Variants in MYH16 observed in about 807,000 individuals in gnomAD.
MYH16 encodes the protein putative uncharacterized protein MYH16.
At chr7:99,240,704 G>T (rs937933571) in intron 1 of MYH16, among the ~76,000 whole-genome samples, 3 of 152,068 alleles carry the variant, frequency 2.0e-5, no homozygotes, top group Non-Finnish European at 2.9e-5. Context: ...TTAGCCAGGT[G>T]TGGTGCATCC....
At chr7:99,273,252 G>C in intron 19 of MYH16, 90 bp from the exon 2 acceptor site, 1 of 444,250 alleles carries the variant, frequency 2.3e-6, no homozygotes, top group East Asian at 7.0e-5. Context: ...AGATCTGCTG[G>C]CTTCTATTCC....
At chr7:99,245,232 G>A (rs556478160) in intron 2 of MYH16, among the ~76,000 whole-genome samples, 30 of 152,156 alleles carry the variant, frequency 2.0e-4, no homozygotes, top group Admixed American at 5.2e-4. Flanking sequence ...CTTTTTTCCT[G>A]TGGATCAGTT....
chr7:99,296,635 G>A, intron 33 of MYH16, 66 bp from the exon 15 acceptor site: 1 of 442,646 alleles, frequency 2.3e-6, no homozygotes, highest in Non-Finnish European at 4.6e-6. Context: ...GGTTGGTGGG[G>A]GGGTGGGAGT....
intron 29 of MYH16, among the ~76,000 whole-genome samples, chr7:99,288,688 AAAAAT>A (rs904149646): frequency 5.3e-5 from 8 of 152,084 alleles, no homozygotes; most frequent in Non-Finnish European, 7.4e-5. Flanking sequence ...ACTCTGTCTC[AAAAAT>A]AAAATAAAAT....
chr7:99,293,603 C>T (rs1376737143), intron 32 of MYH16, among the ~76,000 whole-genome samples: 2 of 152,148 alleles, frequency 1.3e-5, no homozygotes, highest in East Asian at 3.9e-4. Context: ...AGAGTCTCTC[C>T]TGAGTCTGTA....
chr7:99,290,668 T>A (rs11765000), intron 30 of MYH16, among the ~76,000 whole-genome samples: 6 of 151,456 alleles, frequency 4.0e-5, no homozygotes, highest in African/African-American at 1.2e-4. Context: ...CTGGGCATGG[T>A]GGTACACACT....
chr7:99,244,860 G>A (rs1286858837), intron 2 of MYH16, among the ~76,000 whole-genome samples: 2 of 152,200 alleles, frequency 1.3e-5, no homozygotes, highest in East Asian at 1.9e-4. Flanking sequence ...TGCTCTGCCC[G>A]CAAGCCCTTG....
At chr7:99,292,869 A>G (rs1792408929) in intron 32 of MYH16, among the ~76,000 whole-genome samples, 1 of 151,730 alleles carries the variant, frequency 6.6e-6, no homozygotes, top group Non-Finnish European at 1.5e-5. Flanking sequence ...CTAAAGTGAG[A>G]GGATTGCTTG....
intron 20 of MYH16, among the ~76,000 whole-genome samples, chr7:99,276,113 G>T (rs1467562301): frequency 1.3e-5 from 2 of 152,196 alleles, no homozygotes; most frequent in African/African-American, 2.4e-5. Context: ...AGCCAGATAG[G>T]CTGGGTCAAT....
chr7:99,275,691 C>G (rs1327052980), intron 20 of MYH16, among the ~76,000 whole-genome samples: 1 of 152,188 alleles, frequency 6.6e-6, no homozygotes, highest in Non-Finnish European at 1.5e-5. Flanking sequence ...AACTCCCCTG[C>G]TTGTTACTAA....
chr7:99,299,401 GA>G (rs1348232614), intron 36 of MYH16, 64 bp from the exon 18 acceptor site: 1 of 152,258 alleles, frequency 6.6e-6, no homozygotes, highest in Non-Finnish European at 1.5e-5. Context: ...TCTTCTCTAG[GA>G]AGGCTTAGCA....
intron 30 of MYH16, 66 bp from the exon 12 acceptor site, chr7:99,291,257 G>T: frequency 2.3e-6 from 1 of 440,562 alleles, no homozygotes; most frequent in South Asian, 1.6e-5. Flanking sequence ...ATGCCCTGGG[G>T]AACTTTGGAT....
chr7:99,240,527 G>A (rs28493386), intron 1 of MYH16, among the ~76,000 whole-genome samples: 8,658 of 152,230 alleles, frequency 0.057, 573 homozygotes, highest in African/African-American at 0.16. Flanking sequence ...TAGCACCTGC[G>A]AGGTCCATTC....
At chr7:99,297,615 A>T (rs112210670) in intron 34 of MYH16, 45 bp from the exon 16 acceptor site, 85 of 443,826 alleles carry the variant, frequency 1.9e-4, no homozygotes, top group African/African-American at 1.5e-3. Context: ...ACCTGCCATG[A>T]CCCTGGAATG....
At chr7:99,292,323 C>A in exon 32 of MYH16, 1 of 456,542 alleles carries the variant, frequency 2.2e-6, no homozygotes, top group South Asian at 1.5e-5. Flanking sequence ...CTCGCAGCAC[C>A]GCCGTGGTGA....
At chr7:99,276,902 AGAGAT>A (rs1018782283) in intron 20 of MYH16, among the ~76,000 whole-genome samples, 34 of 151,864 alleles carry the variant, frequency 2.2e-4, no homozygotes, top group African/African-American at 7.9e-4. Flanking sequence ...AGAGAGAGAC[AGAGAT>A]AAGAGAGACA....
At chr7:99,287,626 A>G (rs1381794740) in intron 28 of MYH16, among the ~76,000 whole-genome samples, 2 of 151,604 alleles carry the variant, frequency 1.3e-5, no homozygotes, top group African/African-American at 4.8e-5. Context: ...CTACAAAGAC[A>G]CTATTTCCAA....
Position 99,302,311 on chromosome 7 carries a change from A to ATAT in MYH16, n.5137+507_5137+508insTAT, listed in dbSNP as rs1554340310. ...AGAGTGACCATCTCAAAAAAAAAAA[A>ATAT]ATATATACACACACACACACACACA... On this transcript the variant is annotated intron_variant and non_coding_transcript_variant, in intron 38 of 41. Coordinates refer to ENST00000439784, the Ensembl canonical transcript of MYH16. 8.6e-3 allele frequency among the ~76,000 whole-genome samples: 941 copies of ATAT among 109,518 alleles called. 48 individuals are homozygous for ATAT. Among genetic ancestry groups the ATAT allele is most frequent in the African/African-American group, 0.034 (756 of 21,938 alleles). 71.8% of individuals were successfully genotyped at this position (109,518 alleles called of 152,430 possible).
intron 2 of MYH16, among the ~76,000 whole-genome samples, chr7:99,244,815 A>G (rs1172976853): frequency 6.6e-6 from 1 of 152,214 alleles, no homozygotes; most frequent in Non-Finnish European, 1.5e-5. Context: ...GTACAGGCTC[A>G]AAGGTCAAGC....
Sources: allele counts gnomAD v4.1 joint callset (sites outside exome capture counted in the v4.1 genomes callset), GRCh38; gene constraint gnomAD v4.1.1; transcripts MANE v1.5; gene names NCBI Gene and HGNC (gene_info 2026-07-23, HGNC 2026-07-21).